The following AGAP1 variants were observed in gnomAD, a reference collection of about 807,000 sequenced individuals.
AGAP1 encodes ArfGAP with GTPase domain, ankyrin repeat and PH domain 1.
A neutral mutation model predicts 105.3 loss-of-function variants in AGAP1; 29 were observed. The observed-to-expected ratio is 0.28, with a 90% CI of 0.21 to 0.38. The LOEUF (loss-of-function observed/expected upper bound fraction) is 0.38. Ranked by LOEUF, AGAP1 falls within the 10% of genes least tolerant of loss-of-function variation. The pLI, the probability that AGAP1 is intolerant of heterozygous loss-of-function variation, is 1.00. For synonymous variants in AGAP1, 509 were observed against 485.9 expected, an observed-to-expected ratio of 1.05 and a Z score of -0.63; for missense variants, 998 against 1,165.1, an observed-to-expected ratio of 0.86 and a Z score of 2.09.
chr2:236,042,638 G>A lies in AGAP1; in HGVS notation c.1891+1797G>A, dbSNP rs536420023. Among the ~76,000 whole-genome samples the A allele has an allele frequency of 1.8e-4, 28 of 152,238 alleles. No homozygotes were observed. In the East Asian group the frequency reaches 4.5e-3, roughly 24 times the overall value. On this transcript the variant is annotated intron_variant, in intron 15 of 17. Transcript: ENST00000304032. The surrounding 1 kb of genome is among the most constrained non-coding windows in gnomAD (Gnocchi z 5.6). ...AAAAGGAAAGCCATCCGTGGCTTGC[G>A]GGGACCATGATACCTGGCAAATCGG...
rs1322608565 is a variant in AGAP1, at chr2:235,700,384, T to G, written c.164-8795T>G. Among the ~76,000 whole-genome samples, 1 of 152,214 alleles carries G rather than the reference T, an allele frequency of 6.6e-6. No homozygotes were observed. The highest frequency in any genetic ancestry group is 2.4e-5 in the African/African-American group (1 of 41,438). ...CAAATCCTCACGCCCTCTGCTTTGA[T>G]TCTCTCAGACGTGAATCCTTTAAGC... On this transcript the variant is annotated intron_variant, in intron 1 of 17. Coordinates refer to ENST00000304032, the MANE Select transcript of AGAP1 (RefSeq NM_001037131.3). The surrounding 1 kb of genome is among the most constrained non-coding windows in gnomAD (Gnocchi z 6.1).
At chr2:236,117,891 G>A (rs978163229) in intron 16 of AGAP1, among the ~76,000 whole-genome samples, 2 of 152,114 alleles carry the variant, frequency 1.3e-5, no homozygotes, top group African/African-American at 4.8e-5. Context: ...TTGCCCGAGT[G>A]GGGTGCAGGG....
At chr2:235,530,777 G>A (rs1389754835) in intron 1 of AGAP1, among the ~76,000 whole-genome samples, 15 of 152,268 alleles carry the variant, frequency 9.9e-5, no homozygotes, top group East Asian at 3.9e-4. Flanking sequence ...TAATCACAGC[G>A]ACAGTGCCTC....
chr2:235,953,952 A>C lies in AGAP1; in HGVS notation c.1484-14510A>C, dbSNP rs2125277676. On this transcript the variant is annotated intron_variant, in intron 12 of 17. Coordinates refer to ENST00000304032, the MANE Select transcript of AGAP1 (RefSeq NM_001037131.3). The surrounding 1 kb of genome is among the most constrained non-coding windows in gnomAD (Gnocchi z 5.2). ...AAAATGTACTTTTAAAAATCAGGCCAGGCACAGTGGCTTATGCCTGTAATG... is the reference window on the plus strand; with the variant it reads ...AAAATGTACTTTTAAAAATCAGGCCCGGCACAGTGGCTTATGCCTGTAATG... Among the ~76,000 whole-genome samples the C allele has an allele frequency of 6.6e-6, 1 of 152,276 alleles. No individual in the cohort carries two copies. The highest frequency in any genetic ancestry group is 2.1e-4 in the South Asian group (1 of 4,826).
At chr2:235,932,640 A>G (rs556888516) in intron 12 of AGAP1, among the ~76,000 whole-genome samples, 6 of 152,328 alleles carry the variant, frequency 3.9e-5, no homozygotes, top group South Asian at 4.1e-4. Flanking sequence ...CTAGGTGCCA[A>G]TAATACAGGT....
intron 14 of AGAP1, among the ~76,000 whole-genome samples, chr2:236,037,623 G>T (rs555024220): frequency 3.3e-5 from 5 of 152,096 alleles, no homozygotes; most frequent in Admixed American, 3.3e-4. Flanking sequence ...GCCCAGGCTG[G>T]TCTCAAACTC....
At position 235,716,460 on chromosome 2, in the gene AGAP1, T is replaced by TGG. The variant is rs1951110326; in HGVS notation, c.223-1096_223-1095dup. Among the ~76,000 whole-genome samples, 1 of 151,584 alleles carries TGG rather than the reference T, an allele frequency of 6.6e-6. No individual in the cohort carries two copies. The highest frequency in any genetic ancestry group is 6.6e-5 in the Admixed American group (1 of 15,238). On this transcript the variant is annotated intron_variant, in intron 2 of 17. Transcript: ENST00000304032. The surrounding 1 kb of genome is among the most constrained non-coding windows in gnomAD (Gnocchi z 4.0). Reference sequence around the variant, plus strand: ...GGGCCAGAGCTTCAGATAATTTGAGTGGAGGCAGGAGGGAGGTCAACAAGT... The same window carrying TGG: ...GGGCCAGAGCTTCAGATAATTTGAGTGGGGAGGCAGGAGGGAGGTCAACAAGT...
At chr2:235,885,344 C>T (rs147736632) in intron 10 of AGAP1, among the ~76,000 whole-genome samples, 3 of 152,266 alleles carry the variant, frequency 2.0e-5, no homozygotes, top group Non-Finnish European at 2.9e-5. Flanking sequence ...ATTGATCCCA[C>T]GGTATCTGAA....
At position 235,992,123 on chromosome 2, in the gene AGAP1, C is replaced by T. The variant is rs2125457893; in HGVS notation, c.1645+23500C>T. 6.6e-6 allele frequency among the ~76,000 whole-genome samples: 1 copy of T among 152,280 alleles called. No homozygotes were observed. Among genetic ancestry groups the T allele is most frequent in the South Asian group, 2.1e-4 (1 of 4,826 alleles). ...GGTGGCCATCACGAGACCCAGATAACAGGAGTGGTTAGAAGCGCAGCGGAG... is the reference window on the plus strand; with the variant it reads ...GGTGGCCATCACGAGACCCAGATAATAGGAGTGGTTAGAAGCGCAGCGGAG... On this transcript the variant is annotated intron_variant, in intron 13 of 17. Coordinates refer to ENST00000304032, the MANE Select transcript of AGAP1 (RefSeq NM_001037131.3). The surrounding 1 kb of genome is among the most constrained non-coding windows in gnomAD (Gnocchi z 4.8).
chr2:235,526,941 G>A (rs770510765), intron 1 of AGAP1, among the ~76,000 whole-genome samples: 1 of 152,192 alleles, frequency 6.6e-6, no homozygotes, highest in Non-Finnish European at 1.5e-5. Flanking sequence ...TTTTGTTTTG[G>A]AAAGGATTTG....
In AGAP1 at chr2:235,958,074, T is replaced by C. The variant is rs772213412; in HGVS notation, c.1484-10388T>C. On this transcript the variant is annotated intron_variant, in intron 12 of 17. Transcript: ENST00000304032. The surrounding 1 kb of genome is among the most constrained non-coding windows in gnomAD (Gnocchi z 4.1). ...GTCTTTCTTTTCCTTTTTTTCCATA[T>C]AGATGCATGCTTCTTATGAACATGT... is the stretch of plus-strand genomic sequence containing the variant. 4.6e-5 allele frequency among the ~76,000 whole-genome samples: 7 copies of C among 152,210 alleles called. No individual in the cohort carries two copies. The highest frequency in any genetic ancestry group is 1.5e-5 in the Non-Finnish European group (1 of 68,040).
At position 236,062,725 on chromosome 2, in the gene AGAP1, A is replaced by T. The variant is rs995270323; in HGVS notation, c.2114+13444A>T. Among the ~76,000 whole-genome samples the T allele has an allele frequency of 1.3e-5, 2 of 152,020 alleles. No homozygotes were observed. Among genetic ancestry groups the T allele is most frequent in the African/African-American group, 4.8e-5 (2 of 41,394 alleles). On this transcript the variant is annotated intron_variant, in intron 16 of 17. Coordinates refer to ENST00000304032, the MANE Select transcript of AGAP1 (RefSeq NM_001037131.3). This position sits in a 1 kb window ranked among gnomAD's most constrained non-coding sequence, Gnocchi z 4.2. ...CACCCAGGCTGGAGTGCAGTGGAGC[A>T]ATCTTGGCTCACTGCAACCTCCACC... is the stretch of plus-strand genomic sequence containing the variant.
At chr2:235,894,287 G>A (rs1189878077) in intron 10 of AGAP1, among the ~76,000 whole-genome samples, 2 of 152,060 alleles carry the variant, frequency 1.3e-5, no homozygotes, top group Non-Finnish European at 2.9e-5. Context: ...GGCTATTCTT[G>A]GGACCGAAGA....
chr2:235,804,601 A>G (rs1303286970), intron 8 of AGAP1, among the ~76,000 whole-genome samples: 5 of 152,216 alleles, frequency 3.3e-5, no homozygotes, highest in Non-Finnish European at 5.9e-5. Flanking sequence ...TCCTGTAGGC[A>G]GGTAGTTAGT....
intron 1 of AGAP1, among the ~76,000 whole-genome samples, chr2:235,636,677 G>A (rs969476475): frequency 2.6e-5 from 4 of 152,162 alleles, no homozygotes; most frequent in African/African-American, 9.7e-5. Context: ...GAGTCGGCCT[G>A]ACCAAGTCGT....
intron 1 of AGAP1, among the ~76,000 whole-genome samples, chr2:235,603,895 AGGTTGGTTGACG>A (rs952923570): frequency 9.9e-5 from 15 of 152,270 alleles, no homozygotes; most frequent in Admixed American, 5.9e-4. Context: ...TGCGTCCATC[AGGTTGGTTGACG>A]GGTTGGTTGA....
intron 11 of AGAP1, among the ~76,000 whole-genome samples, chr2:235,924,441 T>C (rs2052345177): frequency 6.6e-6 from 1 of 152,120 alleles, no homozygotes; most frequent in African/African-American, 2.4e-5. Flanking sequence ...CTTCCTTCAT[T>C]GTGCCCAATG....
At chr2:235,854,419 G>C (rs2048599788) in intron 9 of AGAP1, among the ~76,000 whole-genome samples, 1 of 152,212 alleles carries the variant, frequency 6.6e-6, no homozygotes, top group Non-Finnish European at 1.5e-5. Flanking sequence ...CTCTAGCTCA[G>C]CTTGGCATGA....
intron 16 of AGAP1, among the ~76,000 whole-genome samples, chr2:236,094,380 A>C (rs1290409079): frequency 6.7e-6 from 1 of 149,050 alleles, no homozygotes; most frequent in Non-Finnish European, 1.5e-5. Flanking sequence ...TTTTTTAGAC[A>C]GGGTCTCTGT....
Sources: gnomAD v4.1 joint callset for allele counts (sites outside exome capture counted in the v4.1 genomes callset) on GRCh38, gnomAD v4.1.1 for gene constraint, Gnocchi (gnomAD v3.1) non-coding constraint, MANE v1.5 for transcripts, NCBI Gene and HGNC (gene_info 2026-07-23, HGNC 2026-07-21) for gene names.